The following THRB variants were observed in gnomAD, a reference collection of about 807,000 sequenced individuals.
The protein encoded by THRB is nuclear receptor subfamily 1 group A member 2.
Under a neutral mutation model 47.8 loss-of-function variants are expected in THRB, and 12 were observed. The observed-to-expected ratio is 0.25, with a 90% CI of 0.16 to 0.41. The LOEUF (loss-of-function observed/expected upper bound fraction) is 0.41, where lower values mean the gene tolerates loss of function less well. Among genes scored for constraint, THRB ranks in the 10% least tolerant of loss-of-function variants. The pLI is 1.00. For missense variants in THRB, 348 were observed against 589.2 expected (o/e 0.59, Z 4.24); for synonymous variants, 218 against 212.2 (o/e 1.03, Z -0.24).
chr3:24,147,759 A>G (rs564170065), intron 6 of THRB, among the ~76,000 whole-genome samples: 3 of 152,364 alleles, frequency 2.0e-5, no homozygotes, highest in South Asian at 4.1e-4. Flanking sequence ...GAAACATTCA[A>G]TATCCTTCTA....
chr3:24,202,522 G>C (rs1464788680), intron 4 of THRB, among the ~76,000 whole-genome samples: 4 of 152,060 alleles, frequency 2.6e-5, no homozygotes, highest in East Asian at 3.9e-4. Context: ...GCCTCCAAAC[G>C]GCCAAACTTA....
chr3:24,231,520 G>C (rs2048261936), intron 3 of THRB, among the ~76,000 whole-genome samples: 1 of 152,002 alleles, frequency 6.6e-6, no homozygotes, highest in Admixed American at 6.6e-5. Flanking sequence ...TAGTGTTACT[G>C]TTACTATATA....
At chr3:24,365,973 C>T (rs1364160724) in intron 1 of THRB, among the ~76,000 whole-genome samples, 6 of 152,090 alleles carry the variant, frequency 3.9e-5, no homozygotes, top group South Asian at 2.1e-4. Flanking sequence ...ATATTCTAAT[C>T]GGGCGTATTT....
intron 3 of THRB, among the ~76,000 whole-genome samples, chr3:24,244,519 G>C (rs1259246374): frequency 2.0e-5 from 3 of 152,092 alleles, no homozygotes; most frequent in African/African-American, 7.2e-5. Context: ...TGGATTAAAT[G>C]GCTTTCCTTA....
At chr3:24,165,156 C>A in intron 5 of THRB, 1 of 765,022 alleles carries the variant, frequency 1.3e-6, no homozygotes, top group Non-Finnish European at 2.4e-6. Flanking sequence ...AACATGTTTC[C>A]AGGGTAACTA....
At chr3:24,271,779 AAATTTAATTT>A (rs141726861) in intron 3 of THRB, among the ~76,000 whole-genome samples, 1 of 152,110 alleles carries the variant, frequency 6.6e-6, no homozygotes, top group African/African-American at 2.4e-5. Flanking sequence ...TTCCTTGAGA[AAATTTAATTT>A]AATTTAATAA....
chr3:24,458,902 G>C (rs534863121), intron 1 of THRB: 27 of 150,998 alleles, frequency 1.8e-4, no homozygotes, highest in Admixed American at 3.3e-4. Flanking sequence ...TCAAGGTTCA[G>C]TTTTTTCCTC....
chr3:24,156,653 T>G (rs1454444887), intron 5 of THRB, among the ~76,000 whole-genome samples: 1 of 152,224 alleles, frequency 6.6e-6, no homozygotes, highest in African/African-American at 2.4e-5. Flanking sequence ...CTGATTCATC[T>G]TGTAGAGCTA....
At chr3:24,466,619 GAT>G (rs2074177471) in intron 1 of THRB, among the ~76,000 whole-genome samples, 1 of 152,098 alleles carries the variant, frequency 6.6e-6, no homozygotes, top group South Asian at 2.1e-4. Context: ...TGCAGTCGTG[GAT>G]ATTGCAATAA....
At chr3:24,162,301 T>A (rs2038977996) in intron 5 of THRB, among the ~76,000 whole-genome samples, 1 of 152,094 alleles carries the variant, frequency 6.6e-6, no homozygotes, top group Non-Finnish European at 1.5e-5. Flanking sequence ...GATTCCAAAC[T>A]TACTGCCTTC....
At chr3:24,229,131 G>T (rs1421007275) in intron 3 of THRB, 130 bp from the exon 4 acceptor site, 1 of 643,266 alleles carries the variant, frequency 1.6e-6, no homozygotes, top group Non-Finnish European at 2.8e-6. Context: ...CAGAACTGGG[G>T]ACACCGAAGC....
intron 1 of THRB, among the ~76,000 whole-genome samples, chr3:24,441,289 C>T (rs2071500796): frequency 6.6e-6 from 1 of 152,096 alleles, no homozygotes; most frequent in South Asian, 2.1e-4. Context: ...TTCACAGGTC[C>T]AGGCCAAGCA....
intron 8 of THRB, among the ~76,000 whole-genome samples, chr3:24,142,845 C>T (rs990037020): frequency 6.6e-6 from 1 of 152,108 alleles, no homozygotes; most frequent in Non-Finnish European, 1.5e-5. Context: ...TCCAGCTTAC[C>T]TCAAAACACT....
At chr3:24,390,236 A>G (rs1281786035) in intron 1 of THRB, among the ~76,000 whole-genome samples, 1 of 152,146 alleles carries the variant, frequency 6.6e-6, no homozygotes, top group Non-Finnish European at 1.5e-5. Context: ...CTGTGAAGAT[A>G]TAAAGAGGCA....
At chr3:24,212,358 C>T (rs531626195) in intron 4 of THRB, among the ~76,000 whole-genome samples, 2 of 151,690 alleles carry the variant, frequency 1.3e-5, no homozygotes, top group Non-Finnish European at 2.9e-5. Context: ...AGATCGCTCC[C>T]TTGCACTCCA....
chr3:24,218,903 G>T (rs2046885141), intron 4 of THRB, among the ~76,000 whole-genome samples: 1 of 152,030 alleles, frequency 6.6e-6, no homozygotes, highest in African/African-American at 2.4e-5. Flanking sequence ...AAAATAATAA[G>T]TATATAAATA....
chr3:24,120,340 C>A lies in THRB; in HGVS notation c.*2544G>T, dbSNP rs906873946. ...TTTAAGGTGCCAAGGATCAAACGTT[C>A]CTTTACTTGCGGCTGGCTGGATGGC... On this transcript the variant is annotated 3_prime_UTR_variant, in exon 11 of 11. Coordinates refer to ENST00000646209, the MANE Select transcript of THRB (RefSeq NM_001354712.2). The A allele has an allele frequency of 2.0e-5, 3 of 152,240 alleles. No homozygotes were observed. The highest frequency in any genetic ancestry group is 3.8e-4 in the East Asian group (2 of 5,202). 9.4% of individuals were successfully genotyped at this position (152,240 alleles called of 1,614,324 possible).
At position 24,224,919 on chromosome 3, in the gene THRB, C is replaced by T. The variant is rs866876202; in HGVS notation, c.22+4019G>A. Among the ~76,000 whole-genome samples the T allele has an allele frequency of 3.3e-5, 5 of 152,282 alleles. No homozygotes were observed. The South Asian group carries it at 1.0e-3, about 32-fold the overall frequency. On this transcript the variant is annotated intron_variant, in intron 4 of 10. Transcript: ENST00000646209. ...AAAAGGAGACTCTAGCTTTGATATT[C>T]AACATTTAGCATATTCGCATCTCAG...
intron 1 of THRB, among the ~76,000 whole-genome samples, chr3:24,399,987 AAC>A (rs1438970301): frequency 1.3e-5 from 2 of 152,108 alleles, no homozygotes; most frequent in African/African-American, 4.8e-5. Flanking sequence ...CAGTTATAAA[AAC>A]TGTTTTCAAA....
Sources: gnomAD v4.1 joint callset for allele counts (sites outside exome capture counted in the v4.1 genomes callset) on GRCh38, gnomAD v4.1.1 for gene constraint, MANE v1.5 for transcripts, NCBI Gene and HGNC (gene_info 2026-07-23, HGNC 2026-07-21) for gene names.